Variants in USH2A observed in about 807,000 individuals in gnomAD.
USH2A encodes the protein Usher syndrome 2A (autosomal recessive, mild).
A neutral mutation model predicts 538.9 loss-of-function variants in USH2A; 443 were observed. The observed-to-expected ratio is 0.82, with a 90% CI of 0.76 to 0.89. USH2A has a LOEUF of 0.89. Ranked by LOEUF, USH2A falls within the 40% of genes least tolerant of loss-of-function variation. USH2A has a pLI of 0.00. For missense variants in USH2A, 6,633 were observed against 6,324.8 expected (o/e 1.05, Z -1.65); for synonymous variants, 2,413 against 2,273.5 (o/e 1.06, Z -1.75).
chr1:215,666,418 T>C (rs1427448503), intron 64 of USH2A, among the ~76,000 whole-genome samples: 2 of 152,154 alleles, frequency 1.3e-5, no homozygotes, highest in Non-Finnish European at 2.9e-5. Flanking sequence ...CCAACGTCAA[T>C]AGGCTATTAT....
Position 215,759,674 on chromosome 1 carries a change from C to T in USH2A, c.11217G>A (p.Leu3739=). The T allele has an allele frequency of 6.2e-7, 1 of 1,613,916 alleles. No individual in the cohort carries two copies. ...TTTTAGTTTACCTGCTATTGGGCTC[C>T]AGGTTTTTATCAGTGAAATTCTGCT... The part of the protein sequence containing the change: ...SEEQNFTDKN[L]EPNSRYTYKL... The change falls in exon 57 of 72, where the codon CTG becomes CTA. Residue 3739 remains leucine (L), a synonymous_variant. Coordinates refer to ENST00000307340, the MANE Select transcript of USH2A (RefSeq NM_206933.4).
intron 27 of USH2A, among the ~76,000 whole-genome samples, chr1:216,076,306 A>C (rs1571939651): frequency 6.6e-6 from 1 of 152,310 alleles, no homozygotes; most frequent in East Asian, 1.9e-4. Flanking sequence ...ATAAAAATTT[A>C]ATATTACTCA....
chr1:216,390,043 A>T (rs1266884308), intron 3 of USH2A, among the ~76,000 whole-genome samples: 1 of 152,186 alleles, frequency 6.6e-6, no homozygotes, highest in East Asian at 1.9e-4. Flanking sequence ...AAAGTATGCC[A>T]GTAAATGTAG....
rs2031926571 is a variant in USH2A, at chr1:216,081,067, T to TTC, written c.5298+2388_5298+2389insGA. On this transcript the variant is annotated intron_variant, in intron 26 of 71. Coordinates refer to ENST00000307340, the MANE Select transcript of USH2A (RefSeq NM_206933.4). ...TTGGAGAGCTCAAAACAAGTTCTCA[T>TTC]ACCCGTATTAGTTTTCCTATAGTGT... 9.2e-5 allele frequency among the ~76,000 whole-genome samples: 14 copies of TTC among 152,264 alleles called. 1 individual carries two copies. The highest frequency in any genetic ancestry group is 4.1e-4 in the South Asian group (2 of 4,826).
chr1:216,098,343 C>T (rs2032495876), intron 21 of USH2A, among the ~76,000 whole-genome samples: 1 of 152,162 alleles, frequency 6.6e-6, no homozygotes, highest in African/African-American at 2.4e-5. Context: ...CAAATAAGAG[C>T]TCAAGACCAT....
chr1:216,063,903 A>G (rs986299726), intron 30 of USH2A, among the ~76,000 whole-genome samples: 9 of 152,248 alleles, frequency 5.9e-5, no homozygotes, highest in Non-Finnish European at 1.2e-4. Context: ...GACTACTAAT[A>G]TTAAACATTG....
chr1:216,126,754 C>A (rs1449654138), intron 21 of USH2A, among the ~76,000 whole-genome samples: 3 of 151,936 alleles, frequency 2.0e-5, no homozygotes, highest in South Asian at 2.1e-4. Context: ...GATTGTTTTA[C>A]CAAATTTGAT....
Position 216,284,254 on chromosome 1 carries a change from C to A in USH2A, c.1971+5026G>T, listed in dbSNP as rs111480584. Among the ~76,000 whole-genome samples, 4 of 152,016 alleles carry A rather than the reference C, an allele frequency of 2.6e-5. No homozygotes were observed. In the East Asian group the frequency reaches 5.8e-4, roughly 22 times the overall value. On this transcript the variant is annotated intron_variant, in intron 11 of 71. Transcript: ENST00000307340. ...CCAAATCTCATCTTGAATTGTAGTT[C>A]CCATAATCCCCATGTCATGGGAGGA...
At chr1:215,858,943 G>A (rs1043238396) in intron 44 of USH2A, among the ~76,000 whole-genome samples, 15 of 152,198 alleles carry the variant, frequency 9.9e-5, no homozygotes, top group Middle Eastern at 3.4e-3. Flanking sequence ...TGATCAAGGC[G>A]CCAGCAAATT....
chr1:215,647,771 GA>G, intron 66 of USH2A, 41 bp from the exon 67 acceptor site: 2 of 1,604,520 alleles, frequency 1.2e-6, no homozygotes, highest in Non-Finnish European at 1.7e-6. Context: ...ACGGGTAATG[GA>G]ATTAGTTTAA....
At chr1:216,154,366 T>C (rs2102623049) in intron 21 of USH2A, among the ~76,000 whole-genome samples, 1 of 152,300 alleles carries the variant, frequency 6.6e-6, no homozygotes, top group East Asian at 1.9e-4. Flanking sequence ...ACACACTGCT[T>C]AAGTTTCTAT....
chr1:216,009,159 C>T (rs1044463360), intron 32 of USH2A, among the ~76,000 whole-genome samples: 3 of 151,988 alleles, frequency 2.0e-5, no homozygotes, highest in Non-Finnish European at 2.9e-5. Flanking sequence ...TTTCCATGCC[C>T]CAACCTCTTT....
chr1:215,959,323 A>G (rs76549721), intron 37 of USH2A, among the ~76,000 whole-genome samples: 2 of 152,124 alleles, frequency 1.3e-5, no homozygotes, highest in Admixed American at 1.3e-4. Context: ...ATCAGGTCTT[A>G]TAAGCAAATA....
intron 11 of USH2A, among the ~76,000 whole-genome samples, chr1:216,268,244 G>A (rs2036512243): frequency 6.6e-6 from 1 of 151,948 alleles, no homozygotes; most frequent in African/African-American, 2.4e-5. Flanking sequence ...TCAACTAAAT[G>A]ATATAAATTC....
At chr1:216,290,910 A>G (rs1022962301) in intron 10 of USH2A, among the ~76,000 whole-genome samples, 1 of 151,884 alleles carries the variant, frequency 6.6e-6, no homozygotes, top group Admixed American at 6.6e-5. Context: ...CTCACAAAAC[A>G]CTCACTTTTT....
intron 21 of USH2A, among the ~76,000 whole-genome samples, chr1:216,137,365 G>A (rs1376085915): frequency 1.3e-5 from 2 of 152,142 alleles, no homozygotes; most frequent in Non-Finnish European, 2.9e-5. Flanking sequence ...GAGGTGAAAG[G>A]CACTTCTTAC....
At chr1:215,980,795 CTCAT>C (rs1340886086) in intron 35 of USH2A, among the ~76,000 whole-genome samples, 2 of 152,108 alleles carry the variant, frequency 1.3e-5, no homozygotes, top group African/African-American at 4.8e-5. Context: ...CCATACTTCA[CTCAT>C]TTTCATTACT....
chr1:215,936,415 G>C (rs1046305215), intron 37 of USH2A, among the ~76,000 whole-genome samples: 1 of 152,004 alleles, frequency 6.6e-6, no homozygotes, highest in Non-Finnish European at 1.5e-5. Context: ...TCCTGCATTT[G>C]AACTTGTTCT....
At position 216,422,411 on chromosome 1, in the gene USH2A, T is replaced by C. The variant is rs1405968629; in HGVS notation, c.-75A>G. 5.0e-6 allele frequency: 8 copies of C among 1,600,778 alleles called. No individual in the cohort carries two copies. Among genetic ancestry groups the C allele is most frequent in the Non-Finnish European group, 6.8e-6 (8 of 1,172,928 alleles). On this transcript the variant is annotated 5_prime_UTR_variant, in exon 2 of 72. Coordinates refer to ENST00000307340, the MANE Select transcript of USH2A (RefSeq NM_206933.4). The stretch of plus-strand genomic sequence containing the variant: ...TCAGGCCCACGCCACTTGCCAGCAA[T>C]ACTTTGAAGCAGGGTACTTTAAGTG...
Sources: allele counts gnomAD v4.1 joint callset (sites outside exome capture counted in the v4.1 genomes callset), GRCh38; gene constraint gnomAD v4.1.1; transcripts MANE v1.5; gene names NCBI Gene and HGNC (gene_info 2026-07-23, HGNC 2026-07-21).